Variants in DIP2A observed in about 807,000 individuals in gnomAD.
DIP2A encodes DIP2 acetate--CoA ligase A.
In DIP2A, 85 loss-of-function variants were observed where a neutral mutation model predicts 177.4. The ratio of observed to expected loss-of-function variants is 0.48; its 90% confidence interval spans 0.40 to 0.57. DIP2A has a LOEUF of 0.57. Among genes scored for constraint, DIP2A ranks in the 20% least tolerant of loss-of-function variants. The pLI is 0.00. For synonymous variants in DIP2A, 886 were observed against 881.8 expected (o/e 1.00, Z -0.08); for missense variants, 1,791 against 2,100.2 (o/e 0.85, Z 2.88).
At chr21:46,550,022 C>G in intron 22 of DIP2A, 137 bp downstream of exon 22, 1 of 1,486,584 alleles carries the variant, frequency 6.7e-7, no homozygotes, top group South Asian at 1.3e-5. Context: ...TTTTTCATTG[C>G]AAATTGACAA....
chr21:46,558,612 T>C, intron 32 of DIP2A: 1 of 588,322 alleles, frequency 1.7e-6, no homozygotes, highest in Non-Finnish European at 3.0e-6. Context: ...AAAAAACACA[T>C]TGTTTTTGAA....
chr21:46,538,736 C>G, intron 16 of DIP2A, 134 bp downstream of exon 16: 2 of 1,301,248 alleles, frequency 1.5e-6, no homozygotes, highest in African/African-American at 1.5e-5. Context: ...CCCATCGTTT[C>G]TATGACACGG....
intron 1 of DIP2A, among the ~76,000 whole-genome samples, chr21:46,467,977 A>G (rs2054990225): frequency 6.6e-6 from 1 of 151,930 alleles, no homozygotes; most frequent in Admixed American, 6.6e-5. Flanking sequence ...AAATATGAAA[A>G]TTAGGGCTGG....
intron 8 of DIP2A, among the ~76,000 whole-genome samples, chr21:46,515,793 C>T (rs1456061236): frequency 1.3e-5 from 2 of 152,152 alleles, no homozygotes; most frequent in Non-Finnish European, 2.9e-5. Flanking sequence ...CGGCCTCCCT[C>T]CCAAAGTGCT....
chr21:46,576,470 T>C, the DIP2A span, among the ~76,000 whole-genome samples: 496 of 152,332 alleles, frequency 3.3e-3, 2 homozygotes, highest in African/African-American at 0.012. Context: ...CTTTTTATGA[T>C]TGAATAGTAT....
intron 19 of DIP2A, 50 bp from the exon 20 acceptor site, chr21:46,545,831 A>G: frequency 6.3e-7 from 1 of 1,592,936 alleles, no homozygotes; most frequent in Non-Finnish European, 8.6e-7. Flanking sequence ...CTTTTTGGCC[A>G]GTTGGTTGGT....
intron 2 of DIP2A, among the ~76,000 whole-genome samples, chr21:46,487,747 A>T (rs1295406168): frequency 6.6e-6 from 1 of 152,234 alleles, no homozygotes; most frequent in Non-Finnish European, 1.5e-5. Flanking sequence ...TTATTAATGC[A>T]TTTGGTAAGA....
rs75779979 is a variant in DIP2A at position 46,564,313 on chromosome 21, G to A, written c.4164+381G>A. ...GCACAGACACGGGGAACTGGCAATA[G>A]GGAACTCTGCACCAGAAGAGTTCAG... is the stretch of plus-strand genomic sequence containing the variant. On this transcript the variant is annotated intron_variant, in intron 35 of 37. Coordinates refer to ENST00000417564, the MANE Select transcript of DIP2A (RefSeq NM_015151.4). Among the ~76,000 whole-genome samples, 989 of 152,340 alleles carry A rather than the reference G, an allele frequency of 6.5e-3. 11 individuals are homozygous for A. The highest frequency in any genetic ancestry group is 0.023 in the African/African-American group (950 of 41,570).
chr21:46,560,505 C>T (rs772509769), intron 32 of DIP2A, among the ~76,000 whole-genome samples: 2 of 152,184 alleles, frequency 1.3e-5, no homozygotes, highest in African/African-American at 2.4e-5. Context: ...TTGAGTGTTT[C>T]GCTCAATATT....
chr21:46,579,522 C>G, the DIP2A span, among the ~76,000 whole-genome samples: 1 of 151,978 alleles, frequency 6.6e-6, no homozygotes, highest in South Asian at 2.1e-4. Context: ...TCTTGGTTCT[C>G]TAGTTCTTTT....
At chr21:46,576,757 C>T in the DIP2A span, among the ~76,000 whole-genome samples, 1 of 152,194 alleles carries the variant, frequency 6.6e-6, no homozygotes, top group African/African-American at 2.4e-5. Context: ...TAAATGCATT[C>T]CTATTTCTTT....
At chr21:46,526,397 C>CTTTTTTTTTTTTTTTTTTTTTTT (rs1357295827) in intron 8 of DIP2A, among the ~76,000 whole-genome samples, 1 of 138,992 alleles carries the variant, frequency 7.2e-6, no homozygotes. Context: ...ACGTTCATTC[C>CTTTTTTTTTTTTTTTTTTTTTTT]TTTTTTTTTT....
intron 1 of DIP2A, among the ~76,000 whole-genome samples, chr21:46,468,412 TAAAA>T (rs59835943): frequency 6.3e-5 from 9 of 142,596 alleles, no homozygotes; most frequent in East Asian, 4.1e-4. Flanking sequence ...ATACCCTGTC[TAAAA>T]AAAAAAAAAA....
chr21:46,529,913 C>T (rs1366230517), intron 9 of DIP2A, among the ~76,000 whole-genome samples: 1 of 152,214 alleles, frequency 6.6e-6, no homozygotes. Flanking sequence ...GACTTATTCT[C>T]TTGTGCTACA....
intron 10 of DIP2A, among the ~76,000 whole-genome samples, chr21:46,533,151 C>A (rs576212946): frequency 1.3e-5 from 2 of 152,248 alleles, no homozygotes; most frequent in South Asian, 4.1e-4. Flanking sequence ...GGTGACCAGG[C>A]CTCTCTAGAT....
chr21:46,472,332 G>A (rs991269003), intron 1 of DIP2A, among the ~76,000 whole-genome samples: 2 of 152,182 alleles, frequency 1.3e-5, no homozygotes, highest in African/African-American at 4.8e-5. Context: ...GCCCACTCTG[G>A]TATTCTGTTA....
chr21:46,504,122 T>A (rs2148575155), intron 5 of DIP2A, among the ~76,000 whole-genome samples: 1 of 152,338 alleles, frequency 6.6e-6, no homozygotes, highest in Non-Finnish European at 1.5e-5. Context: ...GTTCTGAGTC[T>A]GGATCCCTTT....
intron 2 of DIP2A, among the ~76,000 whole-genome samples, chr21:46,485,964 G>T (rs1426758879): frequency 1.3e-5 from 2 of 151,306 alleles, no homozygotes; most frequent in African/African-American, 4.9e-5. Flanking sequence ...CCAGCTGCTC[G>T]GGAGGCTGAG....
rs1245234549 is a variant in DIP2A at position 46,538,475 on chromosome 21, C to T, written c.1802-8C>T. ...CGCAGGGATGTCTGTGCCATCCTCT[C>T]TCTGCAGCTCGGGCCGCGCTGGTGA... On this transcript the variant is annotated splice_polypyrimidine_tract_variant and splice_region_variant and intron_variant, in intron 15 of 37. Transcript: ENST00000417564. The T allele has an allele frequency of 8.4e-6, 13 of 1,542,788 alleles. No homozygotes were observed. The highest frequency in any genetic ancestry group is 9.6e-6 in the Non-Finnish European group (11 of 1,147,080).
Sources: allele counts gnomAD v4.1 joint callset (sites outside exome capture counted in the v4.1 genomes callset), GRCh38; gene constraint gnomAD v4.1.1; transcripts MANE v1.5; gene names NCBI Gene and HGNC (gene_info 2026-07-23, HGNC 2026-07-21).